The following CSMD3 variants were observed in gnomAD, a reference collection of about 807,000 sequenced individuals.
The protein encoded by CSMD3 is CUB and Sushi multiple domains 3.
A neutral mutation model predicts 435.2 loss-of-function variants in CSMD3; 177 were observed. The ratio of observed to expected loss-of-function variants is 0.41; its 90% confidence interval spans 0.36 to 0.46. CSMD3 has a LOEUF of 0.46. CSMD3 is among the 20% of genes least tolerant of loss of function. The pLI, the probability that CSMD3 is intolerant of heterozygous loss-of-function variation, is 0.34. For missense variants in CSMD3, 4,265 were observed against 4,504.6 expected, an observed-to-expected ratio of 0.95 and a Z score of 1.52; for synonymous variants, 1,656 against 1,520.5, an observed-to-expected ratio of 1.09 and a Z score of -2.07.
At chr8:113,080,848 G>A (rs117673272) in intron 5 of CSMD3, among the ~76,000 whole-genome samples, 3 of 152,154 alleles carry the variant, frequency 2.0e-5, no homozygotes, top group Non-Finnish European at 4.4e-5. Flanking sequence ...TTACATTCTC[G>A]ATATCAGCTA....
intron 32 of CSMD3, among the ~76,000 whole-genome samples, chr8:112,428,904 AT>A (rs35018854): frequency 6.6e-6 from 1 of 151,860 alleles, no homozygotes; most frequent in Non-Finnish European, 1.5e-5. Context: ...TTTTAATTAA[AT>A]TTTTTTGAAT....
At chr8:113,258,686 T>C (rs944332773) in intron 3 of CSMD3, among the ~76,000 whole-genome samples, 1 of 152,128 alleles carries the variant, frequency 6.6e-6, no homozygotes, top group Admixed American at 6.6e-5. Context: ...TAAGCATATG[T>C]CTCAAAGGCT....
At chr8:113,365,152 A>G (rs1167274700) in intron 1 of CSMD3, among the ~76,000 whole-genome samples, 1 of 152,080 alleles carries the variant, frequency 6.6e-6, no homozygotes, top group Non-Finnish European at 1.5e-5. Flanking sequence ...ATGACTTTTC[A>G]TGGAAATTAG....
chr8:112,289,119 C>A (rs1470356771), intron 57 of CSMD3, among the ~76,000 whole-genome samples: 4 of 152,064 alleles, frequency 2.6e-5, no homozygotes, highest in Admixed American at 6.6e-5. Flanking sequence ...ACCATAAATT[C>A]TTTAAATTAG....
At chr8:112,469,160 CAA>C (rs71309771) in intron 32 of CSMD3, among the ~76,000 whole-genome samples, 22,834 of 90,472 alleles carry the variant, frequency 0.25, 1,260 homozygotes, top group East Asian at 0.35. Context: ...CTACACCAGG[CAA>C]AAAAAAAAAA....
At chr8:113,156,262 A>G (rs754889355) in intron 4 of CSMD3, among the ~76,000 whole-genome samples, 25 of 152,184 alleles carry the variant, frequency 1.6e-4, no homozygotes, top group Non-Finnish European at 2.6e-4. Flanking sequence ...ATTGGATACA[A>G]CTGCAATATC....
At chr8:112,510,757 A>G (rs146810557) in intron 28 of CSMD3, among the ~76,000 whole-genome samples, 3,306 of 152,302 alleles carry the variant, frequency 0.022, 59 homozygotes, top group Admixed American at 0.032. Context: ...TTTATTTAAT[A>G]TTCCATTCAG....
chr8:113,268,125 A>G (rs2132398305), intron 3 of CSMD3, among the ~76,000 whole-genome samples: 1 of 151,874 alleles, frequency 6.6e-6, no homozygotes, highest in African/African-American at 2.4e-5. Flanking sequence ...GCATCTGTCA[A>G]AGAAAAGTTT....
chr8:112,848,772 G>A (rs2080400716), intron 11 of CSMD3, among the ~76,000 whole-genome samples: 2 of 151,920 alleles, frequency 1.3e-5, no homozygotes, highest in South Asian at 4.1e-4. Context: ...AACAATTCAG[G>A]GCTTTTGACT....
At chr8:113,183,848 C>T (rs2092459391) in intron 3 of CSMD3, among the ~76,000 whole-genome samples, 1 of 151,862 alleles carries the variant, frequency 6.6e-6, no homozygotes, top group African/African-American at 2.4e-5. Context: ...TCCTCTACTC[C>T]GACACTAAAA....
rs374011078 is a variant in CSMD3 at position 112,796,386 on chromosome 8, T to C, written c.1972+3776A>G. 8.1e-4 allele frequency among the ~76,000 whole-genome samples: 124 copies of C among 152,184 alleles called. 1 individual carries two copies. The highest frequency in any genetic ancestry group is 2.9e-3 in the African/African-American group (119 of 41,564). ...ACAAAGCAGACCAAACTTCCTATCA[T>C]CATGGTGCTTAAATCCTAGTCAGTT... On this transcript the variant is annotated intron_variant, in intron 13 of 70. Transcript: ENST00000297405.
chr8:112,387,867 C>T (rs560119498), intron 36 of CSMD3, among the ~76,000 whole-genome samples: 1 of 152,092 alleles, frequency 6.6e-6, no homozygotes, highest in African/African-American at 2.4e-5. Context: ...TTCATTGATT[C>T]GTTCTAAAAA....
intron 35 of CSMD3, among the ~76,000 whole-genome samples, chr8:112,402,754 T>A (rs2129945714): frequency 6.6e-6 from 1 of 152,286 alleles, no homozygotes; most frequent in South Asian, 2.1e-4. Context: ...TGAAGAGAGT[T>A]ATTATTATGT....
At chr8:113,206,657 C>A (rs2092774349) in intron 3 of CSMD3, among the ~76,000 whole-genome samples, 1 of 152,192 alleles carries the variant, frequency 6.6e-6, no homozygotes, top group South Asian at 2.1e-4. Flanking sequence ...GATTCAAATG[C>A]ACATGTATAG....
intron 13 of CSMD3, among the ~76,000 whole-genome samples, chr8:112,705,116 G>A (rs12676711): frequency 0.33 from 50,531 of 151,828 alleles, 9,270 homozygotes; most frequent in African/African-American, 0.5. Flanking sequence ...GAAGTAGTTC[G>A]GGACATGCTA....
chr8:113,302,187 T>C (rs1275286331), intron 2 of CSMD3, among the ~76,000 whole-genome samples: 11 of 146,194 alleles, frequency 7.5e-5, no homozygotes, highest in African/African-American at 2.3e-4. Context: ...CAGATATCAA[T>C]ACTTTTGAGA....
At chr8:113,434,889 G>A (rs1170856793) in intron 1 of CSMD3, among the ~76,000 whole-genome samples, 1 of 151,966 alleles carries the variant, frequency 6.6e-6, no homozygotes, top group African/African-American at 2.4e-5. Flanking sequence ...CCCCTCATCT[G>A]CCCCCGAATG....
intron 1 of CSMD3, among the ~76,000 whole-genome samples, chr8:113,397,101 CA>C: frequency 6.6e-6 from 1 of 152,162 alleles, no homozygotes; most frequent in East Asian, 1.9e-4. Context: ...ATTTTCCCTC[CA>C]AAATGTTAAA....
chr8:112,275,386 A>G (rs1344416891), intron 59 of CSMD3, among the ~76,000 whole-genome samples: 1 of 152,080 alleles, frequency 6.6e-6, no homozygotes, highest in Non-Finnish European at 1.5e-5. Context: ...TGTCTCTACT[A>G]AAAATACAAA....
Sources: gnomAD v4.1 joint callset for allele counts (sites outside exome capture counted in the v4.1 genomes callset) on GRCh38, gnomAD v4.1.1 for gene constraint, MANE v1.5 for transcripts, NCBI Gene and HGNC (gene_info 2026-07-23, HGNC 2026-07-21) for gene names.